Variants in CSMD3 observed in about 807,000 individuals in gnomAD.
The protein encoded by CSMD3 is CUB and sushi domain-containing protein 3.
In CSMD3, 177 loss-of-function variants were observed where a neutral mutation model predicts 435.2. The observed-to-expected ratio is 0.41, with a 90% CI of 0.36 to 0.46. The LOEUF (loss-of-function observed/expected upper bound fraction) is 0.46. CSMD3 is among the 20% of genes least tolerant of loss of function. CSMD3 has a pLI of 0.34. For missense variants in CSMD3, 4,265 were observed against 4,504.6 expected (o/e 0.95, Z 1.52); for synonymous variants, 1,656 against 1,520.5 (o/e 1.09, Z -2.07).
chr8:112,403,749 T>G lies in CSMD3; in HGVS notation c.5809+2775A>C, dbSNP rs1192869771. Among the ~76,000 whole-genome samples, 3 of 151,842 alleles carry G rather than the reference T, an allele frequency of 2.0e-5. No homozygotes were observed. In the East Asian group the frequency reaches 5.9e-4, roughly 30 times the overall value. ...GGGGGATTAGGTTTCAACATAAGAATCTGTGTGTGTTGTTGGGGGGCGGTG... is the reference window on the plus strand; with the variant it reads ...GGGGGATTAGGTTTCAACATAAGAAGCTGTGTGTGTTGTTGGGGGGCGGTG... On this transcript the variant is annotated intron_variant, in intron 35 of 70. Coordinates refer to ENST00000297405, the MANE Select transcript of CSMD3 (RefSeq NM_198123.2).
chr8:112,941,087 G>T (rs1459007), intron 9 of CSMD3, among the ~76,000 whole-genome samples: 127,459 of 151,600 alleles, frequency 0.84, 53,747 homozygotes, highest in East Asian at 0.93. Flanking sequence ...AAGAACCAGA[G>T]AGTAACTGAT....
intron 3 of CSMD3, among the ~76,000 whole-genome samples, chr8:113,211,636 C>T (rs1281603384): frequency 6.6e-6 from 1 of 152,070 alleles, no homozygotes; most frequent in Non-Finnish European, 1.5e-5. Flanking sequence ...TTGCAGTGAG[C>T]CGAGATCGCA....
chr8:112,298,235 T>C (rs1180031261), intron 53 of CSMD3, among the ~76,000 whole-genome samples: 1 of 152,082 alleles, frequency 6.6e-6, no homozygotes, highest in Non-Finnish European at 1.5e-5. Flanking sequence ...AAGATTTATA[T>C]GAAACCGCAA....
At chr8:113,125,545 G>A (rs550793987) in intron 4 of CSMD3, among the ~76,000 whole-genome samples, 1 of 151,928 alleles carries the variant, frequency 6.6e-6, no homozygotes, top group South Asian at 2.1e-4. Context: ...GAGAGAAAAG[G>A]AATAAAGAGG....
intron 11 of CSMD3, among the ~76,000 whole-genome samples, chr8:112,833,303 T>A (rs1463499109): frequency 6.6e-6 from 1 of 152,052 alleles, no homozygotes; most frequent in African/African-American, 2.4e-5. Context: ...CTCTCTTCAT[T>A]TATTTGGATC....
chr8:112,534,009 C>A (rs1825800718), intron 27 of CSMD3, among the ~76,000 whole-genome samples: 1 of 151,806 alleles, frequency 6.6e-6, no homozygotes, highest in South Asian at 2.1e-4. Flanking sequence ...TGCTCCTGAA[C>A]AACCAATGGG....
At chr8:112,317,779 A>G (rs1038834728) in intron 47 of CSMD3, among the ~76,000 whole-genome samples, 4 of 152,024 alleles carry the variant, frequency 2.6e-5, no homozygotes, top group Admixed American at 6.6e-5. Context: ...TCTTCTTGAA[A>G]GGCTTTCAAT....
At chr8:112,385,608 A>G (rs1307782961) in intron 36 of CSMD3, among the ~76,000 whole-genome samples, 1 of 152,196 alleles carries the variant, frequency 6.6e-6, no homozygotes. Context: ...TTGCAGTAAA[A>G]AACAATGAGA....
chr8:112,740,121 T>A (rs1354965226), intron 13 of CSMD3, among the ~76,000 whole-genome samples: 3 of 151,884 alleles, frequency 2.0e-5, no homozygotes, highest in Admixed American at 6.6e-5. Context: ...TTTTGAATTT[T>A]AAAAAATTCT....
intron 24 of CSMD3, among the ~76,000 whole-genome samples, chr8:112,563,465 A>G (rs1042545680): frequency 6.6e-6 from 1 of 151,788 alleles, no homozygotes; most frequent in Non-Finnish European, 1.5e-5. Context: ...ACTAGAAAAT[A>G]CATTACTGAC....
At chr8:112,905,357 A>T (rs1405083688) in intron 10 of CSMD3, among the ~76,000 whole-genome samples, 2 of 150,806 alleles carry the variant, frequency 1.3e-5, no homozygotes, top group African/African-American at 4.9e-5. Flanking sequence ...TCAAAAGTCA[A>T]TATGTTATGG....
intron 21 of CSMD3, among the ~76,000 whole-genome samples, chr8:112,638,380 T>C (rs939292227): frequency 6.6e-6 from 1 of 151,110 alleles, no homozygotes; most frequent in African/African-American, 2.4e-5. Flanking sequence ...ATTTTGTGTT[T>C]ACTAGGCATT....
At chr8:112,707,331 C>A (rs1382139959) in intron 13 of CSMD3, among the ~76,000 whole-genome samples, 1 of 151,914 alleles carries the variant, frequency 6.6e-6, no homozygotes, top group Non-Finnish European at 1.5e-5. Flanking sequence ...GCAGCAGATG[C>A]CTTTTGCTTT....
chr8:112,767,803 C>A (rs1049084000), intron 13 of CSMD3, among the ~76,000 whole-genome samples: 7 of 151,870 alleles, frequency 4.6e-5, no homozygotes, highest in Admixed American at 3.9e-4. Flanking sequence ...TGCTGTTTAA[C>A]ACCCATTGAA....
chr8:112,246,285 G>T (rs572236888), intron 64 of CSMD3, among the ~76,000 whole-genome samples: 1 of 152,234 alleles, frequency 6.6e-6, no homozygotes, highest in Non-Finnish European at 1.5e-5. Context: ...GTATGCTTCA[G>T]CAAATCCTAA....
chr8:112,980,407 T>C (rs1047700773), intron 6 of CSMD3, among the ~76,000 whole-genome samples: 1 of 151,374 alleles, frequency 6.6e-6, no homozygotes, highest in Non-Finnish European at 1.5e-5. Flanking sequence ...GTGTTTCATA[T>C]GAAACATTTG....
chr8:112,923,402 GC>G (rs1451267302), intron 9 of CSMD3, among the ~76,000 whole-genome samples: 1 of 152,094 alleles, frequency 6.6e-6, no homozygotes, highest in Non-Finnish European at 1.5e-5. Flanking sequence ...AATTTCCTAT[GC>G]TTTCTCCTTC....
At chr8:113,209,021 A>G (rs2092802606) in intron 3 of CSMD3, among the ~76,000 whole-genome samples, 1 of 152,192 alleles carries the variant, frequency 6.6e-6, no homozygotes, top group Non-Finnish European at 1.5e-5. Flanking sequence ...ATCATGAATA[A>G]GCATCTACCA....
intron 4 of CSMD3, among the ~76,000 whole-genome samples, chr8:113,154,285 T>C (rs1451945023): frequency 6.6e-6 from 1 of 151,970 alleles, no homozygotes; most frequent in African/African-American, 2.4e-5. Flanking sequence ...GTGACCAACA[T>C]AAAAACATTG....
Sources: gnomAD v4.1 joint callset for allele counts (sites outside exome capture counted in the v4.1 genomes callset) on GRCh38, gnomAD v4.1.1 for gene constraint, MANE v1.5 for transcripts, NCBI Gene and HGNC (gene_info 2026-07-23, HGNC 2026-07-21) for gene names.